Variants in ZNF750 observed in about 807,000 individuals in gnomAD.
The protein encoded by ZNF750 is protein ZNF750.
In ZNF750, 10 loss-of-function variants were observed where a neutral mutation model predicts 31.6. That is an observed-to-expected ratio of 0.32 (90% CI 0.19 to 0.54). The LOEUF is 0.54. Ranked by LOEUF, ZNF750 falls within the 20% of genes least tolerant of loss-of-function variation. The pLI is 0.95. For missense variants in ZNF750, 914 were observed against 934.9 expected, an observed-to-expected ratio of 0.98 and a Z score of 0.29; for synonymous variants, 400 against 404.9, an observed-to-expected ratio of 0.99 and a Z score of 0.15.
rs562345919 is a variant in ZNF750 at position 82,833,266 on chromosome 17, C to G, written c.-182-630G>C. ...GGGAGCTCTCCCAAGTGCTGTGCGC[C>G]CCTGCCGTCGGCCTGTAGAACCCAA... On this transcript the variant is annotated intron_variant, in intron 1 of 2. Transcript: ENST00000269394. This position sits in a 1 kb window ranked among gnomAD's most constrained non-coding sequence, Gnocchi z 4.7. Among the ~76,000 whole-genome samples the G allele has an allele frequency of 2.6e-5, 4 of 152,254 alleles. No homozygotes were observed. The highest frequency in any genetic ancestry group is 6.5e-5 in the Admixed American group (1 of 15,300).
rs151179164 is a variant in ZNF750, at chr17:82,830,330, C to T, written c.1984G>A (p.Ala662Thr). 6.7e-5 allele frequency: 108 copies of T among 1,613,904 alleles called. No individual in the cohort carries two copies. The African/African-American group carries it at 1.3e-3, about 19-fold the overall frequency. Residue 662 changes from alanine to threonine, a missense_variant, in exon 3 of 3, where the codon GCC becomes ACC. Ala to Thr is a moderately conservative substitution (Grantham distance 58). Coordinates refer to ENST00000269394, the MANE Select transcript of ZNF750 (RefSeq NM_024702.3). ...AGTGTGGGTGTGTCTTGCCGGCAGG[C>T]AGGTTCCGGGGCCGCAGCATCCCCA... is the stretch of plus-strand genomic sequence containing the variant. ...GDGDAAAPEP[A>T]CRQDTPTLSS...
intron 1 of ZNF750, among the ~76,000 whole-genome samples, chr17:82,834,589 GC>G (rs930189300): frequency 9.2e-5 from 14 of 152,248 alleles, no homozygotes; most frequent in Non-Finnish European, 1.8e-4. Flanking sequence ...GGAGCTGGAA[GC>G]CAGCATCCTC....
rs1264709040 is a variant in ZNF750, at chr17:82,835,243, A to G, written c.-182-2607T>C. Among the ~76,000 whole-genome samples the G allele has an allele frequency of 6.6e-6, 1 of 152,116 alleles. No homozygotes were observed. The highest frequency in any genetic ancestry group is 2.4e-5 in the African/African-American group (1 of 41,430). On this transcript the variant is annotated intron_variant, in intron 1 of 2. Transcript: ENST00000269394. The surrounding 1 kb of genome is among the most constrained non-coding windows in gnomAD (Gnocchi z 4.5). ...AATAGAGCAACGTGTGTGGGAGCCT[A>G]GGAGGCAGCTGTCCCTGAAGCAAGG...
Position 82,832,797 on chromosome 17 carries a change from C to T in ZNF750, c.-182-161G>A, listed in dbSNP as rs905964241. Reference sequence around the variant, plus strand: ...GCAGCTGCCGGTCACAGAAGCAGCCCTGCCCTACCCTTGGTAACCTGGCTG... The same window carrying T: ...GCAGCTGCCGGTCACAGAAGCAGCCTTGCCCTACCCTTGGTAACCTGGCTG... On this transcript the variant is annotated intron_variant, in intron 1 of 2. Coordinates refer to ENST00000269394, the MANE Select transcript of ZNF750 (RefSeq NM_024702.3). The surrounding 1 kb of genome is among the most constrained non-coding windows in gnomAD (Gnocchi z 4.9). Among the ~76,000 whole-genome samples the T allele has an allele frequency of 6.6e-6, 1 of 152,204 alleles. No individual in the cohort carries two copies. The highest frequency in any genetic ancestry group is 2.4e-5 in the African/African-American group (1 of 41,446).
In ZNF750 at chr17:82,831,796, T is replaced by C. The variant is rs770577278; in HGVS notation, c.659A>G (p.His220Arg). 8 of 1,613,982 alleles carry C rather than the reference T, an allele frequency of 5.0e-6. No individual in the cohort carries two copies. In the South Asian group the frequency reaches 7.7e-5, roughly 16 times the overall value. ...GSPFLPPEFP[H>R]KISSTKGLGA... ...AAGCCCCTTTGTAGATGAGATTTTA[T>C]GTGGAAACTCTGGTGGAAGGAAAGG... Residue 220 changes from histidine to arginine, a missense_variant, in exon 2 of 3, where the codon CAT becomes CGT. Physicochemically the swap from His to Arg is conservative, Grantham distance 29. Around this residue, in one of 2 missense-constraint regions of ZNF750, gnomAD observed 880 missense variants for 868.9 expected, o/e 1.01. Transcript: ENST00000269394. The surrounding 1 kb of genome is among the most constrained non-coding windows in gnomAD (Gnocchi z 4.6).
At chr17:82,838,878 G>A (rs950555640) in intron 1 of ZNF750, 2 of 985,310 alleles carry the variant, frequency 2.0e-6, no homozygotes, top group African/African-American at 3.5e-5. Context: ...GCCTCATCCT[G>A]AAACTCCGGT....
In ZNF750 at chr17:82,829,985, T is replaced by G. The variant is rs1415965762; in HGVS notation, c.*157A>C. On this transcript the variant is annotated 3_prime_UTR_variant, in exon 3 of 3. Transcript: ENST00000269394. ...ATGCTTAATATTTATAAAAACTGAA[T>G]TGGAGGGTTTTTTGTTTGTTTGTTT... 4 of 1,222,208 alleles carry G rather than the reference T, an allele frequency of 3.3e-6. No homozygotes were observed. Among genetic ancestry groups the G allele is most frequent in the Non-Finnish European group, 4.5e-6 (4 of 891,654 alleles). The allele number at this position is 1,222,208 out of a possible 1,614,324, so 75.7% of individuals were successfully genotyped here.
intron 1 of ZNF750, among the ~76,000 whole-genome samples, chr17:82,839,570 A>G (rs1406843162): frequency 6.6e-6 from 1 of 152,258 alleles, no homozygotes; most frequent in African/African-American, 2.4e-5. Context: ...ACACATATAT[A>G]TATGACCCTT....
rs2053324122 is a variant in ZNF750 at position 82,829,919 on chromosome 17, G to C, written c.*223C>G. ...TACATATCAGTCTTAGAGTCATTCA[G>C]GTGTTTTTACAACCAAAAGTAGAAG... On this transcript the variant is annotated 3_prime_UTR_variant, in exon 3 of 3. Transcript: ENST00000269394. The C allele has an allele frequency of 1.5e-6, 1 of 658,222 alleles. No homozygotes were observed. The highest frequency in any genetic ancestry group is 1.8e-5 in the African/African-American group (1 of 54,814). The allele number at this position is 658,222 out of a possible 1,614,324, so 40.8% of individuals were successfully genotyped here.
In ZNF750 at chr17:82,831,328, T is replaced by G; in HGVS notation, c.1127A>C (p.Glu376Ala). 1 of 1,614,012 alleles carries G rather than the reference T, an allele frequency of 6.2e-7. No individual in the cohort carries two copies. The part of the protein sequence containing the change: ...NPSDPNRKHV[E>A]FESPIPEAKD... Reference sequence around the variant, plus strand: ...AGCCTCAGGAATTGGACTTTCGAACTCGACGTGTTTTCTGTTGGGGTCCGA... The same window carrying G: ...AGCCTCAGGAATTGGACTTTCGAACGCGACGTGTTTTCTGTTGGGGTCCGA... The change falls in exon 2 of 3, where the codon GAG becomes GCG. Residue 376 changes from glutamate to alanine, a missense_variant. Transcript: ENST00000269394. This position sits in a 1 kb window ranked among gnomAD's most constrained non-coding sequence, Gnocchi z 4.6.
At position 82,832,835 on chromosome 17, in the gene ZNF750, C is replaced by T. The variant is rs76445273; in HGVS notation, c.-182-199G>A. Among the ~76,000 whole-genome samples the T allele has an allele frequency of 7.5e-3, 1,142 of 152,284 alleles. 10 individuals are homozygous for T. The highest frequency in any genetic ancestry group is 0.026 in the African/African-American group (1,080 of 41,548). ...GGTAACCTGGCTGCTGACTCCCCAC[C>T]GTGTTTTCTGTTTTCTGAGTCTGAT... On this transcript the variant is annotated intron_variant, in intron 1 of 2. Transcript: ENST00000269394. The surrounding 1 kb of genome is among the most constrained non-coding windows in gnomAD (Gnocchi z 4.9).
rs1598764936 is a variant in ZNF750, at chr17:82,829,931, A to G, written c.*211T>C. On this transcript the variant is annotated 3_prime_UTR_variant, in exon 3 of 3. Transcript: ENST00000269394. ...TTAGAGTCATTCAGGTGTTTTTACAACCAAAAGTAGAAGCACCTTTTAATA... is the reference window on the plus strand; with the variant it reads ...TTAGAGTCATTCAGGTGTTTTTACAGCCAAAAGTAGAAGCACCTTTTAATA... 1 of 783,136 alleles carries G rather than the reference A, an allele frequency of 1.3e-6. No homozygotes were observed. The highest frequency in any genetic ancestry group is 2.0e-6 in the Non-Finnish European group (1 of 505,034). The allele number at this position is 783,136 out of a possible 1,614,324, so 48.5% of individuals were successfully genotyped here. A position where few individuals can be genotyped will look rare whatever the true frequency, so the allele number is the denominator to read the frequency against.
chr17:82,838,673 C>T (rs1228144460), intron 1 of ZNF750: 1 of 985,344 alleles, frequency 1.0e-6, no homozygotes, highest in South Asian at 4.7e-5. Flanking sequence ...CCACTCCCTC[C>T]CAGCCTTTCG....
At chr17:82,838,868 G>A (rs1052505181) in intron 1 of ZNF750, 7 of 985,304 alleles carry the variant, frequency 7.1e-6, no homozygotes, top group African/African-American at 1.7e-5. Context: ...TACAGTCGCC[G>A]CCTCATCCTG....
In ZNF750 at chr17:82,829,803, A is replaced by G. The variant is rs982288873; in HGVS notation, c.*339T>C. 3.5e-6 allele frequency: 1 copy of G among 286,402 alleles called. No individual in the cohort carries two copies. The highest frequency in any genetic ancestry group is 2.2e-5 in the African/African-American group (1 of 46,240). 17.7% of individuals were successfully genotyped at this position (286,402 alleles called of 1,614,324 possible). A position where few individuals can be genotyped will look rare whatever the true frequency, so the allele number is the denominator to read the frequency against. On this transcript the variant is annotated 3_prime_UTR_variant, in exon 3 of 3. Transcript: ENST00000269394. ...TCAAATATGCAGCTAGAGCTAATAG[A>G]AAAACAGTTAAAACAATTTGTTGTA...
rs8074277 is a variant in ZNF750 at position 82,831,752 on chromosome 17, T to G, written c.703A>C (p.Met235Leu). Residue 235 changes from methionine to leucine, a missense_variant, in exon 2 of 3, where the codon ATG (methionine) becomes CTG (leucine). Transcript: ENST00000269394. This position sits in a 1 kb window ranked among gnomAD's most constrained non-coding sequence, Gnocchi z 4.6. ...GGGTACTCTGGGATTGTGGGGTGCA[T>G]GTAAGGGGAAATGGCCCCAAGCCCC... is the stretch of plus-strand genomic sequence containing the variant. ...TKGLGAISPY[M>L]HPTIPEYPPH... 1 of 1,613,736 alleles carries G rather than the reference T, an allele frequency of 6.2e-7. No individual in the cohort carries two copies. The highest frequency in any genetic ancestry group is 8.5e-7 in the Non-Finnish European group (1 of 1,179,982).
chr17:82,830,903 G>C (rs1399626767), intron 2 of ZNF750, 26 bp from the exon 3 acceptor site: 1 of 1,612,732 alleles, frequency 6.2e-7, no homozygotes, highest in Non-Finnish European at 8.5e-7. Context: ...AAAAAGCTTA[G>C]TAGGAGCTTG....
rs1452665106 is a variant in ZNF750, at chr17:82,832,622, T to A, written c.-168A>T. On this transcript the variant is annotated 5_prime_UTR_variant, in exon 2 of 3. The change abolishes an upstream ATG in the 5' untranslated region. Coordinates refer to ENST00000269394, the MANE Select transcript of ZNF750 (RefSeq NM_024702.3). The surrounding 1 kb of genome is among the most constrained non-coding windows in gnomAD (Gnocchi z 4.9). ...GAGGGTCTGGCGAGAGCCTCCGTCATCTGGCGGCTGGGAGCTGTAATAAAG... is the reference window on the plus strand; with the variant it reads ...GAGGGTCTGGCGAGAGCCTCCGTCAACTGGCGGCTGGGAGCTGTAATAAAG... The A allele has an allele frequency of 1.5e-6, 1 of 672,074 alleles. No homozygotes were observed. The highest frequency in any genetic ancestry group is 1.8e-5 in the African/African-American group (1 of 55,496). The allele number at this position is 672,074 out of a possible 1,614,324, so 41.6% of individuals were successfully genotyped here. A position where few individuals can be genotyped will look rare whatever the true frequency, so the allele number is the denominator to read the frequency against.
At chr17:82,836,031 G>A (rs2053942455) in intron 1 of ZNF750, among the ~76,000 whole-genome samples, 1 of 152,198 alleles carries the variant, frequency 6.6e-6, no homozygotes, top group Admixed American at 6.5e-5. Flanking sequence ...ACAAGGCACC[G>A]GGTCAAGGCC....
Sources: gnomAD v4.1 joint callset for allele counts (sites outside exome capture counted in the v4.1 genomes callset) on GRCh38, gnomAD v4.1.1 for gene constraint, gnomAD v4.1.1 regional missense constraint, Gnocchi (gnomAD v3.1) non-coding constraint, MANE v1.5 for transcripts, NCBI Gene and HGNC (gene_info 2026-07-23, HGNC 2026-07-21) for gene names.